The following GPN1 variants were observed in gnomAD, a reference collection of about 807,000 sequenced individuals.
GPN1 encodes the protein GPN-loop GTPase 1, also known as ATP(GTP)-binding protein.
Under a neutral mutation model 55.9 loss-of-function variants are expected in GPN1, and 44 were observed. That is an observed-to-expected ratio of 0.79 (90% CI 0.62 to 1.01). The LOEUF is 1.01. GPN1 is among the 50% of genes least tolerant of loss of function. The pLI, the probability that GPN1 is intolerant of heterozygous loss-of-function variation, is 0.00. For synonymous variants in GPN1, 179 were observed against 162.5 expected (o/e 1.10, Z -0.77); for missense variants, 466 against 462.8 (o/e 1.01, Z -0.06).
intron 12 of GPN1, among the ~76,000 whole-genome samples, chr2:27,646,359 C>T (rs1674230271): frequency 2.0e-5 from 3 of 152,164 alleles, no homozygotes; most frequent in Admixed American, 6.5e-5. Context: ...GAAATTTATT[C>T]TAAGTATTTA....
intron 7 of GPN1, 33 bp downstream of exon 7, chr2:27,635,267 C>A (rs1673688329): frequency 5.4e-5 from 51 of 942,984 alleles, no homozygotes; most frequent in Non-Finnish European, 8.1e-5. Flanking sequence ...AGTGTTCCAT[C>A]AAGGTATAAG....
intron 13 of GPN1, 108 bp from the exon 14 acceptor site, chr2:27,650,007 C>T (rs1346822525): frequency 3.0e-6 from 2 of 668,014 alleles, no homozygotes; most frequent in East Asian, 2.7e-5. Flanking sequence ...GAAGTGAGTA[C>T]TTAAGTTTCT....
At chr2:27,640,915 C>T (rs1460699416) in intron 10 of GPN1, among the ~76,000 whole-genome samples, 5 of 152,170 alleles carry the variant, frequency 3.3e-5, no homozygotes, top group Non-Finnish European at 7.3e-5. Flanking sequence ...GTTGCACGTC[C>T]TGAGCTCAAC....
intron 4 of GPN1, 30 bp downstream of exon 4, chr2:27,631,930 T>C (rs1043383181): frequency 8.7e-6 from 11 of 1,260,428 alleles, no homozygotes; most frequent in African/African-American, 4.4e-5. Flanking sequence ...ATTAATATGG[T>C]TGTGTAAAAA....
chr2:27,635,718 G>A (rs573276408), intron 7 of GPN1, among the ~76,000 whole-genome samples: 16 of 152,184 alleles, frequency 1.1e-4, no homozygotes, highest in Non-Finnish European at 2.4e-4. Flanking sequence ...TTGGGAGGCT[G>A]ACGTGGGAGG....
intron 12 of GPN1, among the ~76,000 whole-genome samples, chr2:27,644,977 A>T (rs968876607): frequency 2.6e-5 from 4 of 151,346 alleles, no homozygotes; most frequent in East Asian, 1.9e-4. Flanking sequence ...TTATTTATTT[A>T]TTTTTTTTGA....
In GPN1 at chr2:27,629,931, G is replaced by A; in HGVS notation, c.184G>A (p.Val62Ile). Reference protein sequence around the residue: ...VINLDPAVHEVPFPANIDIRD... With the variant: ...VINLDPAVHEIPFPANIDIRD... ...CAACCTGGATCCAGCAGTACATGAA[G>A]TTCCCTTTCCTGCCAATATTGGTGA... Residue 62 changes from valine (V) to isoleucine (I), a missense_variant, in exon 2 of 14, where the codon GTT becomes ATT. Coordinates refer to ENST00000610189, the MANE Select transcript of GPN1 (RefSeq NM_007266.4). 6.3e-7 allele frequency: 1 copy of A among 1,598,618 alleles called. No individual in the cohort carries two copies. Among genetic ancestry groups the A allele is most frequent in the Non-Finnish European group, 8.6e-7 (1 of 1,165,856 alleles).
upstream of GPN1, chr2:27,628,396 C>T (rs1248214595): frequency 1.9e-6 from 3 of 1,550,980 alleles, no homozygotes; most frequent in Middle Eastern, 1.7e-4. Flanking sequence ...CTACTTGCAC[C>T]TGGAATCCAA....
chr2:27,634,873 G>T lies in GPN1; in HGVS notation c.378G>T (p.Gln126His), dbSNP rs766601582. 6.3e-7 allele frequency: 1 copy of T among 1,598,550 alleles called. No individual in the cohort carries two copies. The highest frequency in any genetic ancestry group is 8.6e-7 in the Non-Finnish European group (1 of 1,165,792). The change falls in exon 6 of 14, where the codon CAG becomes CAT. Residue 126 changes from glutamine (Q) to histidine (H), a missense_variant. Transcript: ENST00000610189. ...SKYVLIDTPG[Q>H]IEVFTWSASG... Reference sequence around the variant, plus strand: ...ATGTGTTGATTGACACACCTGGACAGATTGAGGTATTCACCTGGTCAGCTT... The same window carrying T: ...ATGTGTTGATTGACACACCTGGACATATTGAGGTATTCACCTGGTCAGCTT...
At position 27,640,133 on chromosome 2, in the gene GPN1, T is replaced by C; in HGVS notation, c.800+8T>C. On this transcript the variant is annotated splice_region_variant and intron_variant, in intron 10 of 13. Coordinates refer to ENST00000610189, the MANE Select transcript of GPN1 (RefSeq NM_007266.4). Reference sequence around the variant, plus strand: ...TGCCGAAGAATATGAAAGGTGAGGATAAAGGAAAATTCTATTGATGACATT... The same window carrying C: ...TGCCGAAGAATATGAAAGGTGAGGACAAAGGAAAATTCTATTGATGACATT... 1 of 1,563,932 alleles carries C rather than the reference T, an allele frequency of 6.4e-7. No individual in the cohort carries two copies. Among genetic ancestry groups the C allele is most frequent in the Non-Finnish European group, 8.8e-7 (1 of 1,134,874 alleles).
chr2:27,648,255 C>T (rs997450823), intron 13 of GPN1, among the ~76,000 whole-genome samples: 1 of 152,158 alleles, frequency 6.6e-6, no homozygotes, highest in Non-Finnish European at 1.5e-5. Context: ...TGTGGTGGCT[C>T]ATGCCTGTAA....
chr2:27,631,686 G>A, intron 3 of GPN1, 148 bp from the exon 4 acceptor site: 1 of 657,150 alleles, frequency 1.5e-6, no homozygotes, highest in Non-Finnish European at 2.8e-6. Context: ...TCCCTGTGTG[G>A]TTAAGTTTGT....
At chr2:27,640,872 CTGT>C (rs1304196282) in intron 10 of GPN1, among the ~76,000 whole-genome samples, 3 of 152,194 alleles carry the variant, frequency 2.0e-5, no homozygotes, top group Admixed American at 6.5e-5. Flanking sequence ...TATCCTTTCA[CTGT>C]TGTTGTTCAA....
At chr2:27,641,159 G>A (rs528475108) in intron 10 of GPN1, 81 bp from the exon 11 acceptor site, 27 of 896,860 alleles carry the variant, frequency 3.0e-5, no homozygotes, top group Non-Finnish European at 4.7e-5. Flanking sequence ...TCAGTCTTAG[G>A]AAAATAGAGA....
chr2:27,635,378 G>A (rs1673698694), intron 7 of GPN1, 144 bp downstream of exon 7: 3 of 596,690 alleles, frequency 5.0e-6, no homozygotes, highest in Non-Finnish European at 8.8e-6. Context: ...TTGAGTGGCT[G>A]TGAGCTGGGG....
chr2:27,644,831 C>A (rs1251712537), intron 12 of GPN1, among the ~76,000 whole-genome samples: 1 of 148,818 alleles, frequency 6.7e-6, no homozygotes, highest in African/African-American at 2.5e-5. Context: ...TAGGTGTATG[C>A]CACTGCACCT....
intron 12 of GPN1, 116 bp from the exon 13 acceptor site, chr2:27,647,720 C>T: frequency 3.1e-6 from 2 of 645,176 alleles, no homozygotes; most frequent in Non-Finnish European, 5.7e-6. Context: ...AGGTAAGATC[C>T]TGCGTTTATA....
chr2:27,639,421 A>G (rs1673854948), intron 9 of GPN1, among the ~76,000 whole-genome samples: 1 of 152,232 alleles, frequency 6.6e-6, no homozygotes. Flanking sequence ...TTAATTGCCC[A>G]AGGAAAGACA....
chr2:27,631,326 C>T (rs1267923700), intron 3 of GPN1: 2 of 515,234 alleles, frequency 3.9e-6, no homozygotes, highest in Admixed American at 3.6e-5. Context: ...CTGGGTCCCA[C>T]AAGGTAGTAT....
Sources: allele counts gnomAD v4.1 joint callset (sites outside exome capture counted in the v4.1 genomes callset), GRCh38; gene constraint gnomAD v4.1.1; transcripts MANE v1.5; gene names NCBI Gene and HGNC (gene_info 2026-07-23, HGNC 2026-07-21).